Variants in MAP2K4 observed in about 807,000 individuals in gnomAD.
MAP2K4 encodes dual specificity mitogen-activated protein kinase kinase 4.
A neutral mutation model predicts 48.5 loss-of-function variants in MAP2K4; 4 were observed. The observed-to-expected ratio is 0.08, with a 90% confidence interval of 0.04 to 0.19. The LOEUF is 0.19. Among genes scored for constraint, MAP2K4 ranks in the 10% least tolerant of loss-of-function variants. MAP2K4 has a pLI of 1.00. For missense variants in MAP2K4, 258 were observed against 493.3 expected (o/e 0.52, Z 4.52); for synonymous variants, 166 against 173.1 (o/e 0.96, Z 0.32).
chr17:12,039,877 A>G (rs781650243), intron 1 of MAP2K4, among the ~76,000 whole-genome samples: 1 of 152,126 alleles, frequency 6.6e-6, no homozygotes, highest in Non-Finnish European at 1.5e-5. Flanking sequence ...AGCATTTTGT[A>G]TATTTTGAAT....
intron 9 of MAP2K4, among the ~76,000 whole-genome samples, chr17:12,138,882 T>TAAA (rs1973290750): frequency 6.6e-6 from 1 of 152,146 alleles, no homozygotes; most frequent in Non-Finnish European, 1.5e-5. Context: ...CTTTTGTGGA[T>TAAA]CAGTCATTAG....
chr17:12,070,361 G>A (rs1342319774), intron 2 of MAP2K4, among the ~76,000 whole-genome samples: 1 of 152,120 alleles, frequency 6.6e-6, no homozygotes, highest in Non-Finnish European at 1.5e-5. Flanking sequence ...AAGGAGGTTT[G>A]CTGCCATCTT....
At chr17:12,030,763 C>T (rs940727188) in intron 1 of MAP2K4, among the ~76,000 whole-genome samples, 1 of 152,120 alleles carries the variant, frequency 6.6e-6, no homozygotes, top group Non-Finnish European at 1.5e-5. Flanking sequence ...CACCTCTTCT[C>T]TCTCCTTTTC....
chr17:12,036,172 T>G (rs1216194643), intron 1 of MAP2K4, among the ~76,000 whole-genome samples: 1 of 152,308 alleles, frequency 6.6e-6, no homozygotes, highest in Non-Finnish European at 1.5e-5. Flanking sequence ...TCAAGTTACA[T>G]TTATTTAAGA....
chr17:12,127,523 G>T (rs930643821), intron 8 of MAP2K4, among the ~76,000 whole-genome samples: 1 of 152,088 alleles, frequency 6.6e-6, no homozygotes, highest in African/African-American at 2.4e-5. Flanking sequence ...AGTACTTTTA[G>T]CTAAACCTTG....
intron 2 of MAP2K4, among the ~76,000 whole-genome samples, chr17:12,060,439 G>A (rs1970411084): frequency 6.6e-6 from 1 of 152,192 alleles, no homozygotes; most frequent in South Asian, 2.1e-4. Context: ...GAGGAACTGT[G>A]CTGACTGAAG....
chr17:12,051,932 A>C (rs1970152321), intron 1 of MAP2K4, among the ~76,000 whole-genome samples: 1 of 151,950 alleles, frequency 6.6e-6, no homozygotes, highest in African/African-American at 2.4e-5. Context: ...TTTTAAAAAA[A>C]AAAAAGCTCA....
intron 5 of MAP2K4, among the ~76,000 whole-genome samples, chr17:12,109,010 T>G (rs1434467721): frequency 5.9e-5 from 9 of 152,122 alleles, no homozygotes; most frequent in Admixed American, 1.3e-4. Flanking sequence ...TGATAATAGC[T>G]AATGGTTATT....
Position 12,081,557 on chromosome 17 carries a change from T to C in MAP2K4, c.393+27T>C, listed in dbSNP as rs773371047. 1 of 1,609,664 alleles carries C rather than the reference T, an allele frequency of 6.2e-7. No individual in the cohort carries two copies. ...TAGGTGATGCCATGATTATTTTTGG[T>C]ACTTTAATCCATTAGGTGAAATTTC... On this transcript the variant is annotated intron_variant, in intron 3 of 10. Transcript: ENST00000353533. This position sits in a 1 kb window ranked among gnomAD's most constrained non-coding sequence, Gnocchi z 4.2.
intron 2 of MAP2K4, among the ~76,000 whole-genome samples, chr17:12,075,417 A>T (rs1335110790): frequency 6.6e-6 from 1 of 152,212 alleles, no homozygotes; most frequent in Non-Finnish European, 1.5e-5. Flanking sequence ...TGAATTTTTT[A>T]AAAATGTAAA....
chr17:12,117,069 C>T (rs1972525479), intron 7 of MAP2K4, among the ~76,000 whole-genome samples: 1 of 152,130 alleles, frequency 6.6e-6, no homozygotes, highest in South Asian at 2.1e-4. Flanking sequence ...TGTTGTTTTG[C>T]AGCACGAGAC....
At chr17:12,109,586 G>A (rs1210098411) in intron 5 of MAP2K4, among the ~76,000 whole-genome samples, 1 of 152,148 alleles carries the variant, frequency 6.6e-6, no homozygotes, top group Non-Finnish European at 1.5e-5. Context: ...GTAATTTTCT[G>A]ATCATGATCA....
intron 1 of MAP2K4, among the ~76,000 whole-genome samples, chr17:12,044,799 C>T (rs1220771880): frequency 6.6e-6 from 1 of 152,216 alleles, no homozygotes; most frequent in African/African-American, 2.4e-5. Flanking sequence ...GCCTTCAGAA[C>T]TTCTGACTGT....
chr17:12,137,672 A>G (rs1407258509), intron 9 of MAP2K4, among the ~76,000 whole-genome samples: 1 of 152,196 alleles, frequency 6.6e-6, no homozygotes, highest in Non-Finnish European at 1.5e-5. Flanking sequence ...CAACTCTGAA[A>G]GTGGAGAAGC....
Position 12,129,259 on chromosome 17 carries a change from C to T in MAP2K4, c.1012C>T (p.Pro338Ser). 6.2e-7 allele frequency: 1 copy of T among 1,614,182 alleles called. No individual in the cohort carries two copies. Among genetic ancestry groups the T allele is most frequent in the Non-Finnish European group, 8.5e-7 (1 of 1,180,018 alleles). The change falls in exon 9 of 11, where the codon CCG becomes TCG. Residue 338 changes from proline to serine, a missense_variant. Coordinates refer to ENST00000353533, the MANE Select transcript of MAP2K4 (RefSeq NM_003010.4). ...LSNSEEREFSPSFINFVNLCL... is the reference protein window; with the variant it reads ...LSNSEEREFSSSFINFVNLCL... The stretch of plus-strand genomic sequence containing the variant: ...TAATTCTGAGGAAAGGGAATTCTCC[C>T]CGAGTTTCATCAACTTTGTCAACTT...
In MAP2K4 at chr17:12,084,894, G is replaced by T. The variant is rs1290172981; in HGVS notation, c.393+3364G>T. 4.6e-5 allele frequency among the ~76,000 whole-genome samples: 7 copies of T among 151,978 alleles called. No homozygotes were observed. In the East Asian group the frequency reaches 1.2e-3, roughly 25 times the overall value. Reference sequence around the variant, plus strand: ...ACCTAGCATCATCAGTCAGAATCAGGATGCCACAGAAAATCTAGGGACACA... The same window carrying T: ...ACCTAGCATCATCAGTCAGAATCAGTATGCCACAGAAAATCTAGGGACACA... On this transcript the variant is annotated intron_variant, in intron 3 of 10. Transcript: ENST00000353533.
At chr17:12,113,788 G>A (rs775782747) in intron 7 of MAP2K4, among the ~76,000 whole-genome samples, 10 of 152,114 alleles carry the variant, frequency 6.6e-5, no homozygotes, top group African/African-American at 9.7e-5. Context: ...AGGGGTAGAT[G>A]AAGCACACCA....
At chr17:12,102,562 T>G (rs533353773) in intron 4 of MAP2K4, among the ~76,000 whole-genome samples, 2 of 152,268 alleles carry the variant, frequency 1.3e-5, no homozygotes, top group South Asian at 4.1e-4. Flanking sequence ...GTATTTCTTC[T>G]TCCTGAATTT....
intron 1 of MAP2K4, among the ~76,000 whole-genome samples, chr17:12,026,184 A>G (rs1277271531): frequency 6.6e-6 from 1 of 152,198 alleles, no homozygotes; most frequent in African/African-American, 2.4e-5. Context: ...CCTTTAAAAT[A>G]CCTTACTAGC....
Sources: allele counts gnomAD v4.1 joint callset (sites outside exome capture counted in the v4.1 genomes callset), GRCh38; gene constraint gnomAD v4.1.1; non-coding constraint Gnocchi (gnomAD v3.1); transcripts MANE v1.5; gene names NCBI Gene and HGNC (gene_info 2026-07-23, HGNC 2026-07-21).